The following SPSB4 variants were observed in gnomAD, a reference collection of about 807,000 sequenced individuals.
SPSB4 encodes splA/ryanodine receptor domain and SOCS box containing 4, also known as SPRY domain-containing SOCS box protein 4.
A neutral mutation model predicts 20.9 loss-of-function variants in SPSB4; 21 were observed. That is an observed-to-expected ratio of 1.01 (90% CI 0.71 to 1.45). The LOEUF is 1.45. Among genes scored for constraint, SPSB4 ranks in the 40% most tolerant of loss-of-function variants. The pLI, the probability that SPSB4 is intolerant of heterozygous loss-of-function variation, is 0.00. For synonymous variants in SPSB4, 207 were observed against 183.8 expected (o/e 1.13, Z -1.02); for missense variants, 399 against 399.2 (o/e 1.00, Z 0.00).
At chr3:141,131,804 C>A (rs1008966346) in intron 2 of SPSB4, among the ~76,000 whole-genome samples, 1 of 152,144 alleles carries the variant, frequency 6.6e-6, no homozygotes, top group Non-Finnish European at 1.5e-5. Context: ...TGTGAATGAA[C>A]ATTTTGGTGA....
intron 2 of SPSB4, among the ~76,000 whole-genome samples, chr3:141,111,011 G>A (rs889475297): frequency 1.3e-5 from 2 of 152,152 alleles, no homozygotes; most frequent in East Asian, 3.8e-4. Context: ...GGGCTCTAAC[G>A]TCATACTTCT....
chr3:141,138,576 C>T (rs1939269983), intron 2 of SPSB4, among the ~76,000 whole-genome samples: 1 of 152,110 alleles, frequency 6.6e-6, no homozygotes, highest in African/African-American at 2.4e-5. Flanking sequence ...TTATTTCCGC[C>T]TTCATTTCCT....
intron 2 of SPSB4, among the ~76,000 whole-genome samples, chr3:141,097,368 C>T (rs560490751): frequency 3.3e-5 from 5 of 152,346 alleles, no homozygotes; most frequent in Non-Finnish European, 7.3e-5. Context: ...TCTGAGACTG[C>T]CCATGTTTTT....
In SPSB4 at chr3:141,066,010, T is replaced by A; in HGVS notation, c.-95T>A. Reference sequence around the variant, plus strand: ...TGTGGAGGTCTACCGTCCGGAAGCCTGGTTCCCAGCCCCGTGGCCCATTCC... The same window carrying A: ...TGTGGAGGTCTACCGTCCGGAAGCCAGGTTCCCAGCCCCGTGGCCCATTCC... On this transcript the variant is annotated 5_prime_UTR_variant, in exon 2 of 3. Coordinates refer to ENST00000310546, the MANE Select transcript of SPSB4 (RefSeq NM_080862.3). 8.4e-7 allele frequency: 1 copy of A among 1,189,740 alleles called. No homozygotes were observed. Among genetic ancestry groups the A allele is most frequent in the Non-Finnish European group, 1.1e-6 (1 of 895,640 alleles). 73.7% of individuals were successfully genotyped at this position (1,189,740 alleles called of 1,614,324 possible). A position where few individuals can be genotyped will look rare whatever the true frequency, so the allele number is the denominator to read the frequency against.
chr3:141,099,727 G>A (rs895975075), intron 2 of SPSB4, among the ~76,000 whole-genome samples: 8 of 152,294 alleles, frequency 5.3e-5, no homozygotes, highest in Middle Eastern at 3.4e-3. Context: ...GAGCTTGTAC[G>A]TTAGTCTTGT....
intron 2 of SPSB4, among the ~76,000 whole-genome samples, chr3:141,088,371 T>G (rs1330875805): frequency 1.3e-5 from 2 of 152,242 alleles, no homozygotes; most frequent in Non-Finnish European, 2.9e-5. Context: ...TTCCTGCGTC[T>G]TTGCGCTTTT....
intron 2 of SPSB4, among the ~76,000 whole-genome samples, chr3:141,140,100 A>G (rs1188113002): frequency 6.6e-6 from 1 of 151,910 alleles, no homozygotes; most frequent in Non-Finnish European, 1.5e-5. Context: ...TCCATCGCTG[A>G]TACCCTTTCT....
intron 2 of SPSB4, among the ~76,000 whole-genome samples, chr3:141,133,051 T>C (rs1457607859): frequency 6.6e-6 from 1 of 152,204 alleles, no homozygotes; most frequent in Non-Finnish European, 1.5e-5. Context: ...ATTTCCCTGA[T>C]AATTAGTGAT....
At chr3:141,058,908 C>T (rs1462202676) in intron 1 of SPSB4, among the ~76,000 whole-genome samples, 1 of 152,108 alleles carries the variant, frequency 6.6e-6, no homozygotes, top group East Asian at 1.9e-4. Flanking sequence ...TCTGCTTCAT[C>T]CTCTGAAAAA....
chr3:141,056,177 C>T (rs1450604186), intron 1 of SPSB4, among the ~76,000 whole-genome samples: 2 of 152,180 alleles, frequency 1.3e-5, no homozygotes, highest in Admixed American at 1.3e-4. Flanking sequence ...TGGAGCAGTG[C>T]CAAAGTCATC....
chr3:141,140,223 T>C (rs1013041977), intron 2 of SPSB4, among the ~76,000 whole-genome samples: 1 of 152,188 alleles, frequency 6.6e-6, no homozygotes, highest in African/African-American at 2.4e-5. Context: ...GTTATTCTAG[T>C]TATCCATTCG....
chr3:141,093,331 T>C (rs1477923397), intron 2 of SPSB4, among the ~76,000 whole-genome samples: 1 of 151,880 alleles, frequency 6.6e-6, no homozygotes, highest in Non-Finnish European at 1.5e-5. Context: ...ACTTTTCATA[T>C]TGTCAATCTT....
intron 2 of SPSB4, among the ~76,000 whole-genome samples, chr3:141,114,499 T>C (rs1559851854): frequency 6.6e-6 from 1 of 152,208 alleles, no homozygotes. Context: ...TTTTCCTCAC[T>C]GTGAAGTAAC....
intron 2 of SPSB4, among the ~76,000 whole-genome samples, chr3:141,122,789 A>T (rs555062852): frequency 1.3e-5 from 2 of 152,320 alleles, no homozygotes; most frequent in Admixed American, 1.3e-4. Flanking sequence ...TGTTGCAAAG[A>T]CTGTGGGAAA....
At chr3:141,075,543 G>T (rs2107783800) in intron 2 of SPSB4, among the ~76,000 whole-genome samples, 1 of 152,262 alleles carries the variant, frequency 6.6e-6, no homozygotes, top group East Asian at 1.9e-4. Context: ...AAACCTCAGT[G>T]TGCATTCAAG....
rs1344374823 is a variant in SPSB4, at chr3:141,147,318, A to G, written c.*49A>G. 6.2e-7 allele frequency: 1 copy of G among 1,607,066 alleles called. No homozygotes were observed. Among genetic ancestry groups the G allele is most frequent in the Non-Finnish European group, 8.5e-7 (1 of 1,175,518 alleles). Reference sequence around the variant, plus strand: ...ACACAGACACACACCGCAGGGCCCGACCCTCCTGTCATTCACAGTCCCATG... The same window carrying G: ...ACACAGACACACACCGCAGGGCCCGGCCCTCCTGTCATTCACAGTCCCATG... On this transcript the variant is annotated 3_prime_UTR_variant, in exon 3 of 3. Transcript: ENST00000310546.
chr3:141,099,693 C>T (rs1292911350), intron 2 of SPSB4, among the ~76,000 whole-genome samples: 1 of 152,156 alleles, frequency 6.6e-6, no homozygotes, highest in African/African-American at 2.4e-5. Context: ...AGGGGATTTC[C>T]TTAGAAGGGA....
At chr3:141,109,989 C>G (rs925536345) in intron 2 of SPSB4, among the ~76,000 whole-genome samples, 1 of 152,216 alleles carries the variant, frequency 6.6e-6, no homozygotes, top group African/African-American at 2.4e-5. Flanking sequence ...AGCCTCACTC[C>G]CTCCATCTGT....
rs1485217865 is a variant in SPSB4 at position 141,066,531 on chromosome 3, G to A, written c.427G>A (p.Asp143Asn). The A allele has an allele frequency of 6.6e-7, 1 of 1,515,046 alleles. No homozygotes were observed. Among genetic ancestry groups the A allele is most frequent in the South Asian group, 1.3e-5 (1 of 76,808 alleles). 93.9% of individuals were successfully genotyped at this position (1,515,046 alleles called of 1,614,324 possible). ...VGSDAESWGWDLGRSRLYHDG... is the reference protein window; with the variant it reads ...VGSDAESWGWNLGRSRLYHDG... ...CAGTGACGCCGAGTCGTGGGGCTGG[G>A]ACCTGGGCCGCAGCCGCCTCTACCA... Residue 143 changes from aspartate to asparagine, a missense_variant, in exon 2 of 3, where the codon GAC (aspartate) becomes AAC (asparagine). Physicochemically the swap from Asp to Asn is conservative, Grantham distance 23. Transcript: ENST00000310546.
Sources: gnomAD v4.1 joint callset for allele counts (sites outside exome capture counted in the v4.1 genomes callset) on GRCh38, gnomAD v4.1.1 for gene constraint, MANE v1.5 for transcripts, NCBI Gene and HGNC (gene_info 2026-07-23, HGNC 2026-07-21) for gene names.